The following TMEM260 variants were observed in gnomAD, a reference collection of about 807,000 sequenced individuals.
TMEM260 encodes the protein transmembrane protein 260, also known as protein O-mannosyl-transferase TMEM260.
Under a neutral mutation model 88.9 loss-of-function variants are expected in TMEM260, and 82 were observed. That is an observed-to-expected ratio of 0.92 (90% CI 0.77 to 1.11). TMEM260 has a LOEUF of 1.11. TMEM260 is among the 50% of genes least tolerant of loss of function. TMEM260 has a pLI of 0.00. For missense variants in TMEM260, 902 were observed against 853.4 expected, an observed-to-expected ratio of 1.06 and a Z score of -0.71; for synonymous variants, 314 against 309.3, an observed-to-expected ratio of 1.02 and a Z score of -0.16.
downstream of TMEM260, among the ~76,000 whole-genome samples, chr14:56,653,710 G>A (rs1375519828): frequency 8.6e-6 from 1 of 116,354 alleles, no homozygotes; most frequent in Non-Finnish European, 1.6e-5. Flanking sequence ...ACTCCAGCCT[G>A]GGTGACAGAG....
At chr14:56,606,411 C>T (rs1886904904) in intron 5 of TMEM260, among the ~76,000 whole-genome samples, 1 of 152,050 alleles carries the variant, frequency 6.6e-6, no homozygotes, top group African/African-American at 2.4e-5. Flanking sequence ...TTATACCCAG[C>T]TATAATCAGA....
intron 3 of TMEM260, among the ~76,000 whole-genome samples, chr14:56,594,270 C>T (rs1032059197): frequency 6.6e-6 from 1 of 151,424 alleles, no homozygotes; most frequent in African/African-American, 2.4e-5. Flanking sequence ...AAACTATTAG[C>T]GATATATCTG....
At chr14:56,639,387 A>T (rs944770253) in intron 15 of TMEM260, among the ~76,000 whole-genome samples, 10 of 152,214 alleles carry the variant, frequency 6.6e-5, no homozygotes, top group African/African-American at 2.4e-4. Flanking sequence ...ATTATTATGC[A>T]TGGAGGCCTG....
intron 11 of TMEM260, 36 bp from the exon 12 acceptor site, chr14:56,625,346 T>G (rs1321956961): frequency 5.6e-6 from 9 of 1,598,194 alleles, no homozygotes; most frequent in Non-Finnish European, 7.7e-6. Flanking sequence ...AAGAAATATA[T>G]TAAAAGTCTG....
chr14:56,605,864 A>G (rs1333399894), intron 5 of TMEM260, among the ~76,000 whole-genome samples, 181 bp downstream of exon 5: 1 of 152,226 alleles, frequency 6.6e-6, no homozygotes, highest in African/African-American at 2.4e-5. Context: ...TGCAGTATTG[A>G]TTGCAGTGGC....
At chr14:56,662,694 G>T in the TMEM260 span, among the ~76,000 whole-genome samples, 1 of 152,236 alleles carries the variant, frequency 6.6e-6, no homozygotes, top group Non-Finnish European at 1.5e-5. Context: ...TGTAGGCTGT[G>T]TCTCACTGCC....
intron 3 of TMEM260, among the ~76,000 whole-genome samples, chr14:56,598,148 G>A (rs8022218): frequency 0.11 from 16,540 of 152,038 alleles, 1,485 homozygotes; most frequent in African/African-American, 0.24. Context: ...GCCACCTAGA[G>A]TGTGTAGAGT....
At chr14:56,653,745 A>AAAAAAAAACAAC (rs1555343567), downstream of TMEM260, among the ~76,000 whole-genome samples, 62 of 137,448 alleles carry the variant, frequency 4.5e-4, 5 homozygotes, top group Middle Eastern at 3.7e-3. Flanking sequence ...CCAAAACAAA[A>AAAAAAAAACAAC]AAAAAAAAAA....
At chr14:56,657,290 C>A in the TMEM260 span, among the ~76,000 whole-genome samples, 1 of 149,540 alleles carries the variant, frequency 6.7e-6, no homozygotes, top group Non-Finnish European at 1.5e-5. Context: ...AATGAGCACC[C>A]CATTTATTCA....
intron 1 of TMEM260, among the ~76,000 whole-genome samples, chr14:56,583,990 T>TTGTGTGTGTGTGTGTGTGTGTGTGTG (rs10594077): frequency 2.7e-5 from 4 of 145,942 alleles, no homozygotes; most frequent in African/African-American, 7.6e-5. Context: ...ATCCAGCCTT[T>TTGTGTGTGTGTGTGTGTGTGTGTGTG]TGTGTGTGTG....
At chr14:56,629,578 C>T (rs759008540) in intron 12 of TMEM260, among the ~76,000 whole-genome samples, 9 of 152,288 alleles carry the variant, frequency 5.9e-5, no homozygotes, top group Non-Finnish European at 8.8e-5. Context: ...GATTTCCCTT[C>T]GTTCTGAGGA....
Position 56,617,228 on chromosome 14 carries a change from T to G in TMEM260, c.987T>G (p.Phe329Leu), listed in dbSNP as rs1214452640. Residue 329 changes from phenylalanine (F) to leucine (L), a missense_variant, in exon 9 of 16, where the codon TTT becomes TTG. Phe to Leu is a conservative substitution (Grantham distance 22). Transcript: ENST00000261556. The part of the protein sequence containing the change: ...PSLVWLFTGM[F>L]CIYSLFFAWR... Reference sequence around the variant, plus strand: ...TAGTATGGCTTTTTACTGGAATGTTTTGCATTTATTCATTGTTCTTTGCTT... The same window carrying G: ...TAGTATGGCTTTTTACTGGAATGTTGTGCATTTATTCATTGTTCTTTGCTT... 2 of 1,606,224 alleles carry G rather than the reference T, an allele frequency of 1.2e-6. No individual in the cohort carries two copies. The highest frequency in any genetic ancestry group is 3.4e-5 in the Admixed American group (2 of 58,342).
intron 15 of TMEM260, among the ~76,000 whole-genome samples, chr14:56,645,707 A>C (rs1476753820): frequency 6.6e-6 from 1 of 152,160 alleles, no homozygotes; most frequent in East Asian, 1.9e-4. Flanking sequence ...CAACAACAAA[A>C]AACTTAGTAG....
At chr14:56,653,005 C>A (rs1183398910), downstream of TMEM260, among the ~76,000 whole-genome samples, 6 of 151,936 alleles carry the variant, frequency 3.9e-5, no homozygotes. Context: ...TTAAAAACAC[C>A]ACCATGGGCC....
intron 1 of TMEM260, among the ~76,000 whole-genome samples, chr14:56,581,044 G>C (rs556568157): frequency 5.8e-4 from 89 of 152,244 alleles, no homozygotes; most frequent in Middle Eastern, 3.4e-3. Context: ...ATGGGGCTGC[G>C]GTCTTCTCAA....
chr14:56,630,967 C>A (rs962303258), intron 12 of TMEM260, among the ~76,000 whole-genome samples: 6 of 152,120 alleles, frequency 3.9e-5, no homozygotes, highest in African/African-American at 1.2e-4. Flanking sequence ...GCTACTGTTA[C>A]TGGCGGCGAG....
chr14:56,638,553 G>A (rs1889304735), intron 15 of TMEM260, among the ~76,000 whole-genome samples: 1 of 152,080 alleles, frequency 6.6e-6, no homozygotes. Context: ...TTGGGTCAGA[G>A]AGCTCTGTTT....
intron 3 of TMEM260, among the ~76,000 whole-genome samples, chr14:56,596,406 G>GTGTGTGTGTGTA (rs1290307932): frequency 3.1e-4 from 35 of 111,328 alleles, no homozygotes; most frequent in East Asian, 1.9e-3. Context: ...GTGTGTGTGT[G>GTGTGTGTGTGTA]TATATATATA....
At position 56,605,570 on chromosome 14, in the gene TMEM260, G is replaced by C. The variant is rs1886844721; in HGVS notation, c.523G>C (p.Val175Leu). The change falls in exon 5 of 16, where the codon GTA becomes CTA. Residue 175 changes from valine to leucine, a missense_variant and splice_region_variant. By Grantham distance (32) the Val-to-Leu change is conservative. Transcript: ENST00000261556. ...ATTTTTTTTTTTAATTTATTTTCAG[G>C]TAGCTAAAATTGGTGCTTTCTGCTG... Reference protein sequence around the residue: ...EAATAKERSKVAKIGAFCCGL... With the variant: ...EAATAKERSKLAKIGAFCCGL... 1 of 1,469,696 alleles carries C rather than the reference G, an allele frequency of 6.8e-7. No homozygotes were observed. The highest frequency in any genetic ancestry group is 9.1e-7 in the Non-Finnish European group (1 of 1,097,068). 91.0% of individuals were successfully genotyped at this position (1,469,696 alleles called of 1,614,324 possible).
Sources: allele counts gnomAD v4.1 joint callset (sites outside exome capture counted in the v4.1 genomes callset), GRCh38; gene constraint gnomAD v4.1.1; transcripts MANE v1.5; gene names NCBI Gene and HGNC (gene_info 2026-07-23, HGNC 2026-07-21).